Variants in PCSK6 observed in about 807,000 individuals in gnomAD.
The protein encoded by PCSK6 is proprotein convertase subtilisin/kexin type 6, also known as paired basic amino acid cleaving enzyme 4.
Under a neutral mutation model 123.3 loss-of-function variants are expected in PCSK6, and 85 were observed. That is an observed-to-expected ratio of 0.69 (90% confidence interval 0.58 to 0.83). PCSK6 has a LOEUF of 0.83. Ranked by LOEUF, PCSK6 falls within the 40% of genes least tolerant of loss-of-function variation. The pLI is 0.00. For missense variants in PCSK6, 1,191 were observed against 1,282.3 expected (o/e 0.93, Z 1.09); for synonymous variants, 508 against 516.0 (o/e 0.98, Z 0.21).
chr15:101,392,662 A>T (rs1189172902), intron 8 of PCSK6, among the ~76,000 whole-genome samples: 1 of 148,854 alleles, frequency 6.7e-6, no homozygotes, highest in East Asian at 2.0e-4. Context: ...CCTGAGTACT[A>T]AAACAGTTAC....
chr15:101,327,352 C>T (rs1032107964), intron 15 of PCSK6, among the ~76,000 whole-genome samples: 1 of 152,176 alleles, frequency 6.6e-6, no homozygotes, highest in Non-Finnish European at 1.5e-5. Flanking sequence ...AAGGTCTACC[C>T]GTCAGGCGGG....
chr15:101,380,256 G>A (rs369522124), intron 11 of PCSK6, among the ~76,000 whole-genome samples: 65 of 152,238 alleles, frequency 4.3e-4, no homozygotes, highest in Non-Finnish European at 5.3e-4. Context: ...ACAACCACTC[G>A]CCACCTAGGC....
rs571489277 is a variant in PCSK6 at position 101,477,592 on chromosome 15, G to A, written c.297+11782C>T. ...ATTTTGGGGTGGTGGGACTATGGGT[G>A]ATTTTTATGGTTTTCTTGTTCTTTT... On this transcript the variant is annotated intron_variant, in intron 1 of 21. Transcript: ENST00000611716. 3.3e-5 allele frequency among the ~76,000 whole-genome samples: 5 copies of A among 152,318 alleles called. No individual in the cohort carries two copies. The East Asian group carries it at 9.6e-4, about 29-fold the overall frequency.
At chr15:101,420,045 G>C (rs2056029094) in intron 6 of PCSK6, among the ~76,000 whole-genome samples, 1 of 151,914 alleles carries the variant, frequency 6.6e-6, no homozygotes, top group Non-Finnish European at 1.5e-5. Flanking sequence ...AAAAAAATTA[G>C]CCAGGCATGG....
In PCSK6 at chr15:101,476,616, G is replaced by C. The variant is rs142823137; in HGVS notation, c.297+12758C>G. 1.2e-4 allele frequency among the ~76,000 whole-genome samples: 18 copies of C among 151,450 alleles called. No individual in the cohort carries two copies. In the East Asian group the frequency reaches 3.3e-3, roughly 28 times the overall value. ...TTTGTGTGTATATGCGCACGTATCT[G>C]TCTGTTAAGGCACAGAAACAGGACA... is the stretch of plus-strand genomic sequence containing the variant. On this transcript the variant is annotated intron_variant, in intron 1 of 21. Transcript: ENST00000611716.
chr15:101,406,812 C>A (rs563332984), intron 6 of PCSK6, among the ~76,000 whole-genome samples: 1 of 152,210 alleles, frequency 6.6e-6, no homozygotes, highest in East Asian at 1.9e-4. Context: ...CTTCCTGCTT[C>A]CTGTTCTGTT....
In PCSK6 at chr15:101,489,426, G is replaced by T; in HGVS notation, c.245C>A (p.Pro82Gln). The T allele has an allele frequency of 2.3e-6, 3 of 1,279,626 alleles. No individual in the cohort carries two copies. Among genetic ancestry groups the T allele is most frequent in the Non-Finnish European group, 3.0e-6 (3 of 999,768 alleles). The allele number at this position is 1,279,626 out of a possible 1,614,324, so 79.3% of individuals were successfully genotyped here. Residue 82 changes from proline to glutamine, a missense_variant, in exon 1 of 22, where the codon CCG (proline) becomes CAG (glutamine). By Grantham distance (76) the Pro-to-Gln change is moderately conservative (BLOSUM62 -1). Transcript: ENST00000611716. ...NHWAVQVLGG[P>Q]AEADRVAAAH... ...CGCCGCCACGCGGTCCGCCTCGGCC[G>T]GGCCGCCCAGCACTTGCACCGCCCA...
rs139843914 is a variant in PCSK6 at position 101,427,556 on chromosome 15, G to A, written c.823+336C>T. On this transcript the variant is annotated intron_variant, in intron 6 of 21. Coordinates refer to ENST00000611716, the MANE Select transcript of PCSK6 (RefSeq NM_002570.5). ...GCTGTCACTCTGTCTGGGAAGTGAC[G>A]GAGCCACTGAGGGCTATGGGCAGCG... Among the ~76,000 whole-genome samples, 840 of 152,316 alleles carry A rather than the reference G, an allele frequency of 5.5e-3. 9 individuals are homozygous for A. Among genetic ancestry groups the A allele is most frequent in the African/African-American group, 0.019 (769 of 41,566 alleles).
chr15:101,462,559 G>A (rs540793766), intron 1 of PCSK6, among the ~76,000 whole-genome samples: 1 of 152,258 alleles, frequency 6.6e-6, no homozygotes, highest in African/African-American at 2.4e-5. Flanking sequence ...GAGGCACTGG[G>A]TCAGAGACAG....
intron 1 of PCSK6, among the ~76,000 whole-genome samples, chr15:101,484,898 A>T (rs1384524351): frequency 6.6e-6 from 1 of 152,140 alleles, no homozygotes; most frequent in Non-Finnish European, 1.5e-5. Flanking sequence ...GTTTTCCTTC[A>T]TTTAAAAAAA....
chr15:101,347,114 A>ACTC, intron 13 of PCSK6: 5 of 1,231,730 alleles, frequency 4.1e-6, no homozygotes, highest in Non-Finnish European at 5.1e-6. Context: ...TGGGAGTGAT[A>ACTC]CTCTATAATT....
chr15:101,448,032 C>G (rs2056937947), intron 1 of PCSK6, among the ~76,000 whole-genome samples: 1 of 152,270 alleles, frequency 6.6e-6, no homozygotes, highest in Admixed American at 6.5e-5. Context: ...ATCAATGAAT[C>G]TGACTGCTAG....
rs759254449 is a variant in PCSK6 at position 101,427,857 on chromosome 15, C to A, written c.823+35G>T. On this transcript the variant is annotated intron_variant, in intron 6 of 21. Coordinates refer to ENST00000611716, the MANE Select transcript of PCSK6 (RefSeq NM_002570.5). ...AGCTCCCAGCTGCCCCTGCCCCAGG[C>A]CCCTCGGCTCGCAGGCTGCCACGCC... The A allele has an allele frequency of 6.7e-6, 10 of 1,498,336 alleles. No individual in the cohort carries two copies. The East Asian group carries it at 2.0e-4, about 30-fold the overall frequency. The allele number at this position is 1,498,336 out of a possible 1,614,324, so 92.8% of individuals were successfully genotyped here.
Position 101,431,246 on chromosome 15 carries a change from T to C in PCSK6, c.657+74A>G, listed in dbSNP as rs1262395457. ...GCTGGGGGAGATCGGGACCTTACTG[T>C]TTTTAAACTTGCATTTACTTAATGA... On this transcript the variant is annotated intron_variant, in intron 4 of 21. Coordinates refer to ENST00000611716, the MANE Select transcript of PCSK6 (RefSeq NM_002570.5). 5.9e-6 allele frequency: 9 copies of C among 1,525,158 alleles called. No homozygotes were observed. In the African/African-American group the frequency reaches 1.2e-4, roughly 21 times the overall value. 94.5% of individuals were successfully genotyped at this position (1,525,158 alleles called of 1,614,324 possible).
chr15:101,465,310 C>T (rs1008758425), intron 1 of PCSK6, among the ~76,000 whole-genome samples: 9 of 83,646 alleles, frequency 1.1e-4, no homozygotes, highest in African/African-American at 2.5e-4. Flanking sequence ...GCCCTAAACC[C>T]GCACTGATTC....
chr15:101,321,694 C>T (rs575060985), intron 18 of PCSK6, among the ~76,000 whole-genome samples: 1 of 152,386 alleles, frequency 6.6e-6, no homozygotes, highest in South Asian at 2.1e-4. Context: ...CCTCACCCTG[C>T]AAAAGCAGCT....
At chr15:101,400,437 T>C (rs1158481553) in intron 6 of PCSK6, among the ~76,000 whole-genome samples, 1 of 152,214 alleles carries the variant, frequency 6.6e-6, no homozygotes, top group Admixed American at 6.5e-5. Flanking sequence ...TTGTTCTACA[T>C]TCCAGAATCT....
intron 6 of PCSK6, among the ~76,000 whole-genome samples, chr15:101,403,038 T>C (rs1382064507): frequency 2.0e-5 from 3 of 151,984 alleles, no homozygotes; most frequent in African/African-American, 7.3e-5. Context: ...CCAACAATGA[T>C]AGACTGGATT....
chr15:101,337,808 A>G (rs1240766889), intron 13 of PCSK6, among the ~76,000 whole-genome samples: 1 of 152,238 alleles, frequency 6.6e-6, no homozygotes, highest in East Asian at 1.9e-4. Flanking sequence ...TGCTGAATGA[A>G]TGAATCTGTT....
Sources: allele counts gnomAD v4.1 joint callset (sites outside exome capture counted in the v4.1 genomes callset), GRCh38; gene constraint gnomAD v4.1.1; transcripts MANE v1.5; gene names NCBI Gene and HGNC (gene_info 2026-07-23, HGNC 2026-07-21).